The following PLEKHM3 variants were observed in gnomAD, a reference collection of about 807,000 sequenced individuals.
PLEKHM3 encodes the protein pleckstrin homology domain containing M3.
Under a neutral mutation model 81.8 loss-of-function variants are expected in PLEKHM3, and 45 were observed. The observed-to-expected ratio is 0.55, with a 90% CI of 0.43 to 0.71. The LOEUF is 0.71. Among genes scored for constraint, PLEKHM3 ranks in the 30% least tolerant of loss-of-function variants. The pLI is 0.00. For missense variants in PLEKHM3, 788 were observed against 924.3 expected (o/e 0.85, Z 1.91); for synonymous variants, 352 against 356.4 (o/e 0.99, Z 0.14).
chr2:207,886,968 C>T (rs377546628), intron 6 of PLEKHM3, among the ~76,000 whole-genome samples: 101 of 152,218 alleles, frequency 6.6e-4, no homozygotes, highest in Middle Eastern at 3.4e-3. Flanking sequence ...TTTTCATCTA[C>T]GAAATGGGGA....
At chr2:208,019,640 T>C (rs985365156) in intron 1 of PLEKHM3, 22 of 152,238 alleles carry the variant, frequency 1.4e-4, no homozygotes, top group Non-Finnish European at 4.4e-5. Context: ...CTTAACATTA[T>C]CTGAAAGAGC....
chr2:207,844,311 T>A (rs1162191306), intron 7 of PLEKHM3, among the ~76,000 whole-genome samples: 1 of 149,968 alleles, frequency 6.7e-6, no homozygotes, highest in Non-Finnish European at 1.5e-5. Context: ...TTCTTTTTTT[T>A]TTTTTTTTTG....
intron 7 of PLEKHM3, among the ~76,000 whole-genome samples, chr2:207,856,820 G>T (rs994681594): frequency 4.6e-5 from 7 of 152,196 alleles, no homozygotes; most frequent in Admixed American, 3.9e-4. Context: ...TTATTTCAAG[G>T]TATTTTGTTT....
intron 3 of PLEKHM3, among the ~76,000 whole-genome samples, chr2:207,952,548 C>T (rs79798625): frequency 0.013 from 2,053 of 152,260 alleles, 46 homozygotes; most frequent in African/African-American, 0.046. Flanking sequence ...AATTTTGAAC[C>T]TGTACTTTAA....
rs911485907 is a variant in PLEKHM3 at position 207,982,806 on chromosome 2, C to T, written c.611-5220G>A. ...GTTGGCCAGGCTGGTGTCAAAACTC[C>T]TGACCTCGTGATCTGCTTGCCTCGG... is the stretch of plus-strand genomic sequence containing the variant. On this transcript the variant is annotated intron_variant, in intron 2 of 7. Transcript: ENST00000427836. Among the ~76,000 whole-genome samples the T allele has an allele frequency of 6.1e-4, 93 of 151,872 alleles. 1 individual carries two copies. The highest frequency in any genetic ancestry group is 2.1e-3 in the African/African-American group (87 of 41,434).
rs532894854 is a variant in PLEKHM3 at position 207,825,258 on chromosome 2, C to G, written c.*3061G>C. On this transcript the variant is annotated 3_prime_UTR_variant, in exon 8 of 8. Coordinates refer to ENST00000427836, the MANE Select transcript of PLEKHM3 (RefSeq NM_001080475.3). ...ATGCCAACATTTCACCAGGGTTGGA[C>G]GATCTCACACATGAGTTTCTGGCAC... 6.6e-6 allele frequency: 1 copy of G among 152,064 alleles called. No homozygotes were observed. Among genetic ancestry groups the G allele is most frequent in the Non-Finnish European group, 1.5e-5 (1 of 68,036 alleles). The allele number at this position is 152,064 out of a possible 1,614,324, so 9.4% of individuals were successfully genotyped here.
At chr2:207,910,901 C>T (rs1688790636) in intron 5 of PLEKHM3, among the ~76,000 whole-genome samples, 1 of 152,044 alleles carries the variant, frequency 6.6e-6, no homozygotes, top group Non-Finnish European at 1.5e-5. Context: ...GAATTGAGAA[C>T]ATTGGGAATA....
At chr2:207,941,058 T>C (rs772986343) in intron 4 of PLEKHM3, among the ~76,000 whole-genome samples, 5 of 152,186 alleles carry the variant, frequency 3.3e-5, no homozygotes, top group Admixed American at 2.0e-4. Flanking sequence ...TGGATGATTA[T>C]TGGGTAGAAC....
chr2:207,876,741 G>A (rs1416235209), intron 6 of PLEKHM3, among the ~76,000 whole-genome samples: 6 of 152,170 alleles, frequency 3.9e-5, no homozygotes, highest in African/African-American at 9.7e-5. Flanking sequence ...GCATATTGCC[G>A]TTTTCTATTA....
chr2:208,013,439 C>T (rs1293725014), intron 1 of PLEKHM3, among the ~76,000 whole-genome samples: 1 of 151,958 alleles, frequency 6.6e-6, no homozygotes, highest in Non-Finnish European at 1.5e-5. Flanking sequence ...TTGCTTAAAC[C>T]CAGGAGGCGG....
At chr2:207,883,555 A>G (rs1259636972) in intron 6 of PLEKHM3, among the ~76,000 whole-genome samples, 2 of 152,236 alleles carry the variant, frequency 1.3e-5, no homozygotes, top group East Asian at 1.9e-4. Context: ...ATTTCTTTAT[A>G]TAGTGAGCAT....
At chr2:207,834,800 C>A (rs2092309380) in intron 7 of PLEKHM3, among the ~76,000 whole-genome samples, 1 of 152,104 alleles carries the variant, frequency 6.6e-6, no homozygotes, top group South Asian at 2.1e-4. Flanking sequence ...GGCCAAGAAC[C>A]TCTGGGCTGT....
chr2:207,918,273 A>G (rs747729524), intron 5 of PLEKHM3, among the ~76,000 whole-genome samples: 5 of 152,236 alleles, frequency 3.3e-5, no homozygotes, highest in Non-Finnish European at 7.3e-5. Flanking sequence ...CTGTAATCCC[A>G]GCACTTTGGG....
At position 208,001,648 on chromosome 2, in the gene PLEKHM3, C is replaced by T; in HGVS notation, c.-9G>A. Reference sequence around the variant, plus strand: ...ACTTCCAAAGCTTCCATGTCACAGGCTCCAGGAGGCCTTAGCCTCCTAAGC... The same window carrying T: ...ACTTCCAAAGCTTCCATGTCACAGGTTCCAGGAGGCCTTAGCCTCCTAAGC... On this transcript the variant is annotated 5_prime_UTR_variant, in exon 2 of 8. Transcript: ENST00000427836. 1.9e-6 allele frequency: 3 copies of T among 1,608,834 alleles called. No individual in the cohort carries two copies. Among genetic ancestry groups the T allele is most frequent in the Non-Finnish European group, 2.5e-6 (3 of 1,177,834 alleles).
At chr2:207,918,316 A>G (rs1689063527) in intron 5 of PLEKHM3, among the ~76,000 whole-genome samples, 1 of 152,140 alleles carries the variant, frequency 6.6e-6, no homozygotes, top group Non-Finnish European at 1.5e-5. Context: ...AGGTCAGGAG[A>G]TCAAGACCTT....
chr2:207,847,582 C>G (rs180760362), intron 7 of PLEKHM3, among the ~76,000 whole-genome samples: 5 of 152,206 alleles, frequency 3.3e-5, no homozygotes, highest in Admixed American at 6.5e-5. Flanking sequence ...ACAGTCCCTT[C>G]TATCTCTATT....
At chr2:207,948,349 CTT>C (rs752976462) in intron 3 of PLEKHM3, among the ~76,000 whole-genome samples, 13 of 81,060 alleles carry the variant, frequency 1.6e-4, no homozygotes, top group African/African-American at 4.9e-4. Flanking sequence ...CTCCTCAGAT[CTT>C]TTTTTTTTTT....
At chr2:207,872,550 C>T (rs999735630) in intron 6 of PLEKHM3, among the ~76,000 whole-genome samples, 3 of 152,090 alleles carry the variant, frequency 2.0e-5, no homozygotes, top group African/African-American at 4.8e-5. Context: ...AACTTAAACC[C>T]GAGGCGGCCG....
intron 5 of PLEKHM3, among the ~76,000 whole-genome samples, chr2:207,925,530 G>T (rs1231738725): frequency 2.0e-5 from 3 of 152,222 alleles, no homozygotes; most frequent in South Asian, 2.1e-4. Context: ...TTATGAGGTG[G>T]TATTGTCTCC....
Sources: gnomAD v4.1 joint callset for allele counts (sites outside exome capture counted in the v4.1 genomes callset) on GRCh38, gnomAD v4.1.1 for gene constraint, MANE v1.5 for transcripts, NCBI Gene and HGNC (gene_info 2026-07-23, HGNC 2026-07-21) for gene names.